The following TAF4B variants were observed in gnomAD, a reference collection of about 807,000 sequenced individuals.
The protein encoded by TAF4B is TATA-box binding protein associated factor 4b, also known as transcription initiation factor TFIID subunit 4B.
A neutral mutation model predicts 86.4 loss-of-function variants in TAF4B; 38 were observed. That is an observed-to-expected ratio of 0.44 (90% CI 0.34 to 0.58). The LOEUF is 0.58. Among genes scored for constraint, TAF4B ranks in the 20% least tolerant of loss-of-function variants. TAF4B has a pLI of 0.02. For synonymous variants in TAF4B, 388 were observed against 391.2 expected, an observed-to-expected ratio of 0.99 and a Z score of 0.10; for missense variants, 988 against 1,027.6, an observed-to-expected ratio of 0.96 and a Z score of 0.53.
At chr18:26,293,914 T>C (rs562234165) in intron 9 of TAF4B, among the ~76,000 whole-genome samples, 68 of 152,326 alleles carry the variant, frequency 4.5e-4, no homozygotes, top group African/African-American at 1.5e-3. Flanking sequence ...TGTACCCTTT[T>C]GCATCAGACT....
intron 1 of TAF4B, among the ~76,000 whole-genome samples, chr18:26,249,473 C>G (rs945483321): frequency 2.0e-5 from 3 of 147,258 alleles, no homozygotes; most frequent in Non-Finnish European, 4.5e-5. Flanking sequence ...CTCTCTCTCT[C>G]TCTCAAAAAA....
At chr18:26,228,525 A>C (rs983443422) in intron 1 of TAF4B, among the ~76,000 whole-genome samples, 1 of 151,878 alleles carries the variant, frequency 6.6e-6, no homozygotes, top group Non-Finnish European at 1.5e-5. Flanking sequence ...TTCTGCATAT[A>C]TGTTTATAAA....
At chr18:26,370,774 A>G (rs2057401032) in intron 14 of TAF4B, among the ~76,000 whole-genome samples, 1 of 152,194 alleles carries the variant, frequency 6.6e-6, no homozygotes. Context: ...ACCAATAGAG[A>G]TACTAGACAG....
At chr18:26,320,793 G>A (rs2056955361) in intron 10 of TAF4B, among the ~76,000 whole-genome samples, 1 of 152,046 alleles carries the variant, frequency 6.6e-6, no homozygotes, top group African/African-American at 2.4e-5. Context: ...GACTTGATTT[G>A]TGTTCTTATT....
intron 2 of TAF4B, chr18:26,266,045 G>A (rs1025105969): frequency 6.6e-6 from 1 of 152,200 alleles, no homozygotes; most frequent in African/African-American, 2.4e-5. Flanking sequence ...GAAGTGTTGG[G>A]ATTACAGGCG....
At chr18:26,338,652 A>G (rs569192716) in intron 13 of TAF4B, among the ~76,000 whole-genome samples, 1 of 151,130 alleles carries the variant, frequency 6.6e-6, no homozygotes, top group African/African-American at 2.4e-5. Flanking sequence ...CTAATTTTGT[A>G]TTTTTAGTGG....
chr18:26,327,001 CT>C lies in TAF4B; in HGVS notation c.2134-6del, dbSNP rs777275928. On this transcript the variant is annotated splice_polypyrimidine_tract_variant and intron_variant, in intron 11 of 14. Coordinates refer to ENST00000269142, the MANE Select transcript of TAF4B (RefSeq NM_005640.3). ...GGATCATTATAAGACTTTCTGTTTT[CT>C]TTTTTTTCCCAGGCAAGTGAAAATT... 7 of 1,608,146 alleles carry C rather than the reference CT, an allele frequency of 4.4e-6. No individual in the cohort carries two copies. Among genetic ancestry groups the C allele is most frequent in the South Asian group, 3.3e-5 (3 of 90,636 alleles).
At chr18:26,374,293 A>G (rs571076850) in intron 14 of TAF4B, among the ~76,000 whole-genome samples, 1 of 152,336 alleles carries the variant, frequency 6.6e-6, no homozygotes, top group South Asian at 2.1e-4. Flanking sequence ...CAGCTTTAAG[A>G]TAATTTCTAT....
intron 1 of TAF4B, among the ~76,000 whole-genome samples, chr18:26,249,741 CAA>C (rs1056946872): frequency 7.2e-5 from 11 of 151,998 alleles, no homozygotes; most frequent in African/African-American, 9.6e-5. Context: ...TTTTTAGAGA[CAA>C]AGTCTCATTC....
chr18:26,349,703 A>G (rs180896865), intron 13 of TAF4B, among the ~76,000 whole-genome samples: 1 of 152,326 alleles, frequency 6.6e-6, no homozygotes, highest in African/African-American at 2.4e-5. Context: ...GGAAAAGTAA[A>G]TTTGAAAATT....
intron 13 of TAF4B, among the ~76,000 whole-genome samples, chr18:26,356,627 G>A (rs12957369): frequency 0.21 from 31,757 of 151,858 alleles, 4,179 homozygotes; most frequent in Non-Finnish European, 0.3. Context: ...TCTTGATCTT[G>A]TTTGAATATG....
chr18:26,227,293 T>C lies in TAF4B; in HGVS notation c.343+17T>C. ...TTCCTCCAGGTATGTTGATAACCCT[T>C]TCCAGCCTTGTCTGTCGGTCCAGCT... On this transcript the variant is annotated intron_variant, in intron 1 of 14. Coordinates refer to ENST00000269142, the MANE Select transcript of TAF4B (RefSeq NM_005640.3). The C allele has an allele frequency of 6.2e-7, 1 of 1,603,048 alleles. No individual in the cohort carries two copies. The highest frequency in any genetic ancestry group is 8.5e-7 in the Non-Finnish European group (1 of 1,175,478).
chr18:26,242,206 T>C (rs934785878), intron 1 of TAF4B, among the ~76,000 whole-genome samples: 2 of 152,158 alleles, frequency 1.3e-5, no homozygotes, highest in Non-Finnish European at 2.9e-5. Context: ...CCCATTATTA[T>C]TGTGTGGGAT....
chr18:26,385,377 C>G (rs1016404639), intron 14 of TAF4B, among the ~76,000 whole-genome samples: 2 of 152,088 alleles, frequency 1.3e-5, no homozygotes, highest in African/African-American at 4.8e-5. Context: ...AAACTTAGTT[C>G]AGTGGTATAA....
intron 9 of TAF4B, among the ~76,000 whole-genome samples, chr18:26,299,536 T>TA (rs890724529): frequency 5.9e-5 from 9 of 152,016 alleles, no homozygotes; most frequent in Admixed American, 2.6e-4. Context: ...TATATTGGCT[T>TA]AAAAAAAATG....
chr18:26,336,511 T>C (rs2057092953), intron 13 of TAF4B, among the ~76,000 whole-genome samples: 1 of 152,052 alleles, frequency 6.6e-6, no homozygotes, highest in African/African-American at 2.4e-5. Context: ...GATTTCAGGA[T>C]TGGGACAGGG....
At chr18:26,386,313 T>C (rs1365013056) in intron 14 of TAF4B, among the ~76,000 whole-genome samples, 1 of 138,280 alleles carries the variant, frequency 7.2e-6, no homozygotes, top group Non-Finnish European at 1.7e-5. Context: ...GGTCTCTTTA[T>C]TTTTTTTTTC....
chr18:26,340,804 G>A lies in TAF4B; in HGVS notation c.2316+5573G>A, dbSNP rs372502068. ...CTTTTATTTTCCCACTAACTAAATG[G>A]TCAAAATACTGTGATTTGGGAATCT... On this transcript the variant is annotated intron_variant, in intron 13 of 14. Transcript: ENST00000269142. Among the ~76,000 whole-genome samples, 13 of 152,138 alleles carry A rather than the reference G, an allele frequency of 8.5e-5. No homozygotes were observed. The East Asian group carries it at 1.9e-3, about 23-fold the overall frequency.
At chr18:26,381,054 G>A (rs190662597) in intron 14 of TAF4B, among the ~76,000 whole-genome samples, 11 of 151,818 alleles carry the variant, frequency 7.2e-5, no homozygotes, top group Admixed American at 7.2e-4. Flanking sequence ...TTGCCCTGTC[G>A]CCCAGGCTGG....
Sources: allele counts gnomAD v4.1 joint callset (sites outside exome capture counted in the v4.1 genomes callset), GRCh38; gene constraint gnomAD v4.1.1; transcripts MANE v1.5; gene names NCBI Gene and HGNC (gene_info 2026-07-23, HGNC 2026-07-21).